NMT2: variants seen among roughly 807,000 people sequenced by gnomAD.
NMT2 encodes glycylpeptide N-tetradecanoyltransferase 2.
In NMT2, 35 loss-of-function variants were observed where a neutral mutation model predicts 65.4. The observed-to-expected ratio is 0.54, with a 90% CI of 0.41 to 0.71. The LOEUF (loss-of-function observed/expected upper bound fraction) is 0.71, where lower values mean the gene tolerates loss of function less well. Ranked by LOEUF, NMT2 falls within the 30% of genes least tolerant of loss-of-function variation. The pLI, the probability that NMT2 is intolerant of heterozygous loss-of-function variation, is 0.00. For missense variants in NMT2, 489 were observed against 611.3 expected, an observed-to-expected ratio of 0.80 and a Z score of 2.11; for synonymous variants, 226 against 231.8, an observed-to-expected ratio of 0.98 and a Z score of 0.23.
Position 15,135,269 on chromosome 10 carries a change from C to T in NMT2, c.391+5G>A. 6.2e-7 allele frequency: 1 copy of T among 1,613,700 alleles called. No homozygotes were observed. The highest frequency in any genetic ancestry group is 8.5e-7 in the Non-Finnish European group (1 of 1,179,948). ...GGAAAAAAAGAGAAAAGCAGAAAAA[C>T]TTACCTAGTTTTGGTACCGGTTGTG... On this transcript the variant is annotated splice_donor_5th_base_variant and intron_variant, in intron 3 of 11. Transcript: ENST00000378165.
intron 9 of NMT2, among the ~76,000 whole-genome samples, chr10:15,117,151 C>T (rs1024808290): frequency 6.6e-6 from 1 of 152,068 alleles, no homozygotes; most frequent in African/African-American, 2.4e-5. Context: ...AAATACTCAG[C>T]AAAATATTAG....
chr10:15,132,687 C>G (rs1019273124), intron 6 of NMT2, 130 bp downstream of exon 6: 1 of 606,150 alleles, frequency 1.6e-6, no homozygotes, highest in African/African-American at 1.8e-5. Flanking sequence ...CTCAGCCTCC[C>G]AAAGTGCTGG....
chr10:15,165,764 G>T (rs889066872), intron 1 of NMT2, among the ~76,000 whole-genome samples: 1 of 151,836 alleles, frequency 6.6e-6, no homozygotes, highest in Non-Finnish European at 1.5e-5. Context: ...TGTAATCCCA[G>T]CTACTTAGGA....
chr10:15,106,852 G>A lies in NMT2; in HGVS notation c.*2343C>T, dbSNP rs1392908304. Reference sequence around the variant, plus strand: ...GTGGTGGCTCATGTCTATAATCCCAGTACTTTGGGAGGCCAAGGCAGAAGG... The same window carrying A: ...GTGGTGGCTCATGTCTATAATCCCAATACTTTGGGAGGCCAAGGCAGAAGG... On this transcript the variant is annotated 3_prime_UTR_variant, in exon 12 of 12. Coordinates refer to ENST00000378165, the MANE Select transcript of NMT2 (RefSeq NM_004808.3). The A allele has an allele frequency of 6.2e-6, 1 of 161,886 alleles. No homozygotes were observed. The highest frequency in any genetic ancestry group is 1.3e-5 in the Non-Finnish European group (1 of 76,920). The allele number at this position is 161,886 out of a possible 1,614,324, so 10.0% of individuals were successfully genotyped here.
At chr10:15,127,986 G>C (rs1320803361) in intron 8 of NMT2, among the ~76,000 whole-genome samples, 1 of 152,114 alleles carries the variant, frequency 6.6e-6, no homozygotes, top group Non-Finnish European at 1.5e-5. Flanking sequence ...TCCACTCGCT[G>C]GGTCTCTCCT....
chr10:15,166,078 A>C (rs1056647191), intron 1 of NMT2, among the ~76,000 whole-genome samples: 2 of 152,098 alleles, frequency 1.3e-5, no homozygotes, highest in African/African-American at 4.8e-5. Flanking sequence ...AAAGAACAGC[A>C]TATGCAGTTT....
intron 10 of NMT2, 36 bp from the exon 11 acceptor site, chr10:15,109,875 A>C: frequency 6.5e-7 from 1 of 1,545,812 alleles, no homozygotes; most frequent in Non-Finnish European, 8.8e-7. Flanking sequence ...TTTAAAACAA[A>C]GGACTAGTGT....
chr10:15,147,081 G>C (rs1281340607), intron 1 of NMT2, among the ~76,000 whole-genome samples: 2 of 95,242 alleles, frequency 2.1e-5, no homozygotes, highest in East Asian at 3.9e-4. Context: ...AACAGCGAAA[G>C]ATCCTCTCGC....
Position 15,105,973 on chromosome 10 carries a change from G to A in NMT2, c.*3222C>T, listed in dbSNP as rs1845286568. 1 of 398,736 alleles carries A rather than the reference G, an allele frequency of 2.5e-6. No individual in the cohort carries two copies. The highest frequency in any genetic ancestry group is 3.0e-5 in the Admixed American group (1 of 33,308). The allele number at this position is 398,736 out of a possible 1,614,324, so 24.7% of individuals were successfully genotyped here. On this transcript the variant is annotated 3_prime_UTR_variant, in exon 12 of 12. Transcript: ENST00000378165. The stretch of plus-strand genomic sequence containing the variant: ...CACCGTGAGGTAAGCTCATGACAAA[G>A]TTTCCAACTGGCAATGCTGCAGTTA...
chr10:15,158,422 A>G (rs1833075844), intron 1 of NMT2, among the ~76,000 whole-genome samples: 1 of 152,230 alleles, frequency 6.6e-6, no homozygotes, highest in Non-Finnish European at 1.5e-5. Flanking sequence ...TAAAAACTCT[A>G]CAGCCAAAGT....
chr10:15,115,984 G>C (rs1436766507), intron 9 of NMT2, among the ~76,000 whole-genome samples: 1 of 152,160 alleles, frequency 6.6e-6, no homozygotes. Context: ...CACAATTACA[G>C]CTGGGGACTT....
In NMT2 at chr10:15,107,351, G is replaced by T. The variant is rs1208012758; in HGVS notation, c.*1844C>A. 5.1e-6 allele frequency: 5 copies of T among 985,274 alleles called. No individual in the cohort carries two copies. Among genetic ancestry groups the T allele is most frequent in the African/African-American group, 3.5e-5 (2 of 57,246 alleles). The allele number at this position is 985,274 out of a possible 1,614,324, so 61.0% of individuals were successfully genotyped here. Reference sequence around the variant, plus strand: ...CCCTGCCTGGGATAAGATATGATTGGTTTCACTGGACTCATAACTTGAAGG... The same window carrying T: ...CCCTGCCTGGGATAAGATATGATTGTTTTCACTGGACTCATAACTTGAAGG... On this transcript the variant is annotated 3_prime_UTR_variant, in exon 12 of 12. Coordinates refer to ENST00000378165, the MANE Select transcript of NMT2 (RefSeq NM_004808.3).
chr10:15,117,910 T>G (rs567509403), intron 9 of NMT2, among the ~76,000 whole-genome samples: 120 of 152,342 alleles, frequency 7.9e-4, no homozygotes, highest in Non-Finnish European at 1.4e-3. Flanking sequence ...ACATTCCATG[T>G]TCATGGACTG....
At chr10:15,154,364 C>T (rs1588452375) in intron 1 of NMT2, among the ~76,000 whole-genome samples, 1 of 152,300 alleles carries the variant, frequency 6.6e-6, no homozygotes, top group Admixed American at 6.5e-5. Context: ...GCCAATTGAC[C>T]TGACTCAGGT....
intron 8 of NMT2, among the ~76,000 whole-genome samples, chr10:15,122,272 T>C (rs574519096): frequency 7.9e-5 from 12 of 151,892 alleles, no homozygotes; most frequent in Non-Finnish European, 1.2e-4. Context: ...GAAAAAAAAA[T>C]TTGCCAACTT....
At chr10:15,146,556 T>G (rs896390922) in intron 1 of NMT2, among the ~76,000 whole-genome samples, 1 of 152,200 alleles carries the variant, frequency 6.6e-6, no homozygotes, top group Admixed American at 6.5e-5. Flanking sequence ...CTCCATGTCC[T>G]TCCTGTCCTT....
Position 15,133,074 on chromosome 10 carries a change from T to C in NMT2, c.581A>G (p.Tyr194Cys), listed in dbSNP as rs148352064. ...TTACCACAACAGGAACTCGGGTGAATAGTCAAATCGGAACATATTGTCATC... is the reference window on the plus strand; with the variant it reads ...TTACCACAACAGGAACTCGGGTGAACAGTCAAATCGGAACATATTGTCATC... ...EDDDNMFRFD[Y>C]SPEFLLWALR... is the part of the protein sequence containing the mutation. Residue 194 changes from tyrosine to cysteine, a missense_variant, in exon 5 of 12, where the codon TAT (tyrosine) becomes TGT (cysteine). Tyr to Cys is a radical substitution (Grantham distance 194). Transcript: ENST00000378165. 5 of 1,613,920 alleles carry C rather than the reference T, an allele frequency of 3.1e-6. No homozygotes were observed. Among genetic ancestry groups the C allele is most frequent in the Admixed American group, 1.7e-5 (1 of 60,004 alleles).
intron 7 of NMT2, 105 bp downstream of exon 7, chr10:15,130,037 A>G: frequency 1.2e-6 from 1 of 817,586 alleles, no homozygotes; most frequent in Non-Finnish European, 1.8e-6. Context: ...TCTAGGTTCT[A>G]GTCTCCATCT....
In NMT2 at chr10:15,135,265, A is replaced by T; in HGVS notation, c.391+9T>A. 1 of 1,613,734 alleles carries T rather than the reference A, an allele frequency of 6.2e-7. No individual in the cohort carries two copies. The highest frequency in any genetic ancestry group is 8.5e-7 in the Non-Finnish European group (1 of 1,179,964). ...GTGGGGAAAAAAAGAGAAAAGCAGA[A>T]AAACTTACCTAGTTTTGGTACCGGT... On this transcript the variant is annotated intron_variant, in intron 3 of 11. Coordinates refer to ENST00000378165, the MANE Select transcript of NMT2 (RefSeq NM_004808.3).
Sources: allele counts gnomAD v4.1 joint callset (sites outside exome capture counted in the v4.1 genomes callset), GRCh38; gene constraint gnomAD v4.1.1; transcripts MANE v1.5; gene names NCBI Gene and HGNC (gene_info 2026-07-23, HGNC 2026-07-21).